CDH13: variants seen among roughly 807,000 people sequenced by gnomAD.
CDH13 encodes the protein cadherin-13.
CDH13 carries 24 observed loss-of-function variants against 63.8 expected under a neutral mutation model. That is an observed-to-expected ratio of 0.38 (90% confidence interval 0.27 to 0.53). The LOEUF is 0.53. Among genes scored for constraint, CDH13 ranks in the 20% least tolerant of loss-of-function variants. CDH13 has a pLI of 0.85. For missense variants in CDH13, 1,049 were observed against 903.1 expected (o/e 1.16, Z -2.07); for synonymous variants, 503 against 355.3 (o/e 1.42, Z -4.67).
rs114738774 is a variant in CDH13 at position 83,503,167 on chromosome 16, G to A, written c.960+16512G>A. On this transcript the variant is annotated intron_variant, in intron 7 of 13. Coordinates refer to ENST00000567109, the MANE Select transcript of CDH13 (RefSeq NM_001257.5). ...AGCAAGGGGTATAAAGTGAGGCCTTGAATCGCTCACGTAGATTCAAGTAGT... is the reference window on the plus strand; with the variant it reads ...AGCAAGGGGTATAAAGTGAGGCCTTAAATCGCTCACGTAGATTCAAGTAGT... 4.7e-3 allele frequency among the ~76,000 whole-genome samples: 715 copies of A among 152,342 alleles called. 10 individuals are homozygous for A. Among genetic ancestry groups the A allele is most frequent in the African/African-American group, 0.016 (686 of 41,578 alleles).
At chr16:83,293,408 C>G (rs1249117609) in intron 5 of CDH13, among the ~76,000 whole-genome samples, 1 of 152,054 alleles carries the variant, frequency 6.6e-6, no homozygotes, top group East Asian at 1.9e-4. Context: ...AGCCTTGCCA[C>G]CGGAAGAAAA....
chr16:83,527,312 G>A (rs933074328), intron 7 of CDH13, among the ~76,000 whole-genome samples: 8 of 151,978 alleles, frequency 5.3e-5, no homozygotes, highest in African/African-American at 1.9e-4. Flanking sequence ...AGCTGGGCAT[G>A]GTGGCAGGTG....
At chr16:83,465,394 T>A (rs749639574) in intron 6 of CDH13, among the ~76,000 whole-genome samples, 5 of 152,278 alleles carry the variant, frequency 3.3e-5, no homozygotes, top group Middle Eastern at 6.8e-3. Context: ...ATGATTTGCA[T>A]CTGAGTTTGG....
Position 83,519,290 on chromosome 16 carries a change from C to T in CDH13, c.960+32635C>T, listed in dbSNP as rs188434881. On this transcript the variant is annotated intron_variant, in intron 7 of 13. Coordinates refer to ENST00000567109, the MANE Select transcript of CDH13 (RefSeq NM_001257.5). ...CTGTTTCCGCCCTAGCATTGGAGTCCAGTGATATCCAAGGGCCTTTATCAG... is the reference window on the plus strand; with the variant it reads ...CTGTTTCCGCCCTAGCATTGGAGTCTAGTGATATCCAAGGGCCTTTATCAG... 2.0e-4 allele frequency among the ~76,000 whole-genome samples: 30 copies of T among 152,252 alleles called. No individual in the cohort carries two copies. The East Asian group carries it at 5.4e-3, about 27-fold the overall frequency.
chr16:83,674,417 G>C (rs1412879487), intron 9 of CDH13, among the ~76,000 whole-genome samples: 1 of 152,188 alleles, frequency 6.6e-6, no homozygotes, highest in African/African-American at 2.4e-5. Context: ...GCTCTTATGA[G>C]ACCCTCTCCT....
intron 1 of CDH13, among the ~76,000 whole-genome samples, chr16:82,683,203 C>T (rs1186933903): frequency 1.3e-5 from 2 of 152,152 alleles, no homozygotes; most frequent in African/African-American, 2.4e-5. Context: ...CCTGTCTCAG[C>T]CCGGGGTCTT....
chr16:83,296,807 C>T (rs60597596), intron 5 of CDH13, among the ~76,000 whole-genome samples: 3,911 of 152,206 alleles, frequency 0.026, 157 homozygotes, highest in African/African-American at 0.078. Context: ...CCCAATAACA[C>T]GGGTTTATGT....
At chr16:82,889,758 G>T (rs144836797) in intron 2 of CDH13, among the ~76,000 whole-genome samples, 1 of 152,194 alleles carries the variant, frequency 6.6e-6, no homozygotes, top group East Asian at 1.9e-4. Context: ...AGTATATCTT[G>T]TGAAAAATAG....
At chr16:83,786,370 CAAACTACG>C (rs370670326) in intron 13 of CDH13, among the ~76,000 whole-genome samples, 143 of 152,278 alleles carry the variant, frequency 9.4e-4, no homozygotes, top group African/African-American at 3.1e-3. Flanking sequence ...GAAACATTTT[CAAACTACG>C]AATTCCTGAG....
chr16:83,383,188 C>G (rs1000423935), intron 6 of CDH13: 1 of 152,162 alleles, frequency 6.6e-6, no homozygotes, highest in Non-Finnish European at 1.5e-5. Flanking sequence ...GGACCAGTTT[C>G]AGGTCATACG....
chr16:83,700,019 C>G (rs1490987332), intron 10 of CDH13, among the ~76,000 whole-genome samples: 1 of 152,176 alleles, frequency 6.6e-6, no homozygotes, highest in Non-Finnish European at 1.5e-5. Context: ...TGATCTAGAT[C>G]GTGCATGTGT....
intron 6 of CDH13, among the ~76,000 whole-genome samples, chr16:83,372,945 G>T (rs2091399356): frequency 6.6e-6 from 1 of 152,078 alleles, no homozygotes; most frequent in Non-Finnish European, 1.5e-5. Flanking sequence ...ACCTTTGGCA[G>T]AGTCAAGTGA....
intron 13 of CDH13, among the ~76,000 whole-genome samples, chr16:83,794,225 T>G (rs1916456252): frequency 1.3e-5 from 2 of 152,160 alleles, no homozygotes; most frequent in Admixed American, 6.5e-5. Flanking sequence ...TTATGGCCAT[T>G]TGTTACAGGA....
chr16:83,271,422 T>TAAAAAAGAAAAAAAAA (rs2088807123), intron 5 of CDH13, among the ~76,000 whole-genome samples: 1 of 26,004 alleles, frequency 3.8e-5, no homozygotes, highest in Non-Finnish European at 7.1e-5. Context: ...GCAGAGTTCA[T>TAAAAAAGAAAAAAAAA]AAAAAAAAAA....
Position 82,654,573 on chromosome 16 carries a change from TTGAC to T in CDH13, c.45+27442_45+27445del, listed in dbSNP as rs1376651002. On this transcript the variant is annotated intron_variant, in intron 1 of 13. Transcript: ENST00000567109. The stretch of plus-strand genomic sequence containing the variant: ...TTTTGAAGCTCTCAAATAATCCTGA[TTGAC>T]TGACTCTCTGCTTTGGGCATTCCCA... Among the ~76,000 whole-genome samples, 19 of 152,238 alleles carry T rather than the reference TTGAC, an allele frequency of 1.2e-4. No individual in the cohort carries two copies. The South Asian group carries it at 3.5e-3, about 28-fold the overall frequency.
intron 3 of CDH13, among the ~76,000 whole-genome samples, chr16:83,107,460 C>T (rs1486377022): frequency 6.6e-6 from 1 of 152,210 alleles, no homozygotes; most frequent in African/African-American, 2.4e-5. Flanking sequence ...GATTGACACA[C>T]TATCTTCCAG....
At chr16:83,045,274 AC>A (rs1239443317) in intron 3 of CDH13, among the ~76,000 whole-genome samples, 1 of 152,146 alleles carries the variant, frequency 6.6e-6, no homozygotes, top group Non-Finnish European at 1.5e-5. Flanking sequence ...CGTGAACAGA[AC>A]CTTTGGAAGT....
chr16:83,067,985 C>G (rs188947403), intron 3 of CDH13, among the ~76,000 whole-genome samples: 1 of 152,298 alleles, frequency 6.6e-6, no homozygotes, highest in East Asian at 1.9e-4. Context: ...AACTCTGAGG[C>G]TACCAGAGCA....
intron 4 of CDH13, among the ~76,000 whole-genome samples, chr16:83,175,877 A>C (rs186512178): frequency 8.0e-6 from 1 of 124,996 alleles, no homozygotes; most frequent in Non-Finnish European, 1.6e-5. Flanking sequence ...TGCCCAGGCT[A>C]GAGTGTAATG....
Sources: gnomAD v4.1 joint callset for allele counts (sites outside exome capture counted in the v4.1 genomes callset) on GRCh38, gnomAD v4.1.1 for gene constraint, MANE v1.5 for transcripts, NCBI Gene and HGNC (gene_info 2026-07-23, HGNC 2026-07-21) for gene names.